DAB1: variants seen among roughly 807,000 people sequenced by gnomAD.
DAB1 encodes disabled homolog 1.
Under a neutral mutation model 64.6 loss-of-function variants are expected in DAB1, and 15 were observed. That is an observed-to-expected ratio of 0.23 (90% CI 0.16 to 0.36). DAB1 has a LOEUF of 0.36. DAB1 is among the 10% of genes least tolerant of loss of function. The pLI is 1.00. For missense variants in DAB1, 596 were observed against 706.7 expected (o/e 0.84, Z 1.78); for synonymous variants, 235 against 251.9 (o/e 0.93, Z 0.64).
At chr1:57,742,235 C>G (rs1216400662) in intron 6 of DAB1, among the ~76,000 whole-genome samples, 10 of 152,156 alleles carry the variant, frequency 6.6e-5, no homozygotes, top group African/African-American at 2.2e-4. Flanking sequence ...TTCTCTCACT[C>G]TCTTATTTTA....
intron 1 of DAB1, among the ~76,000 whole-genome samples, chr1:57,848,903 C>A (rs759779814): frequency 3.5e-4 from 54 of 152,128 alleles, no homozygotes; most frequent in Admixed American, 2.0e-3. Context: ...GAATTCCCGT[C>A]ACTCCAGGAT....
intron 7 of DAB1, among the ~76,000 whole-genome samples, chr1:57,552,473 C>G (rs995353417): frequency 3.3e-5 from 5 of 152,142 alleles, no homozygotes; most frequent in Non-Finnish European, 7.3e-5. Flanking sequence ...AATGGATAGG[C>G]TTCTATTCTC....
chr1:58,036,576 A>G (rs963467243), intron 5 of DAB1, among the ~76,000 whole-genome samples: 1 of 152,236 alleles, frequency 6.6e-6, no homozygotes, highest in Non-Finnish European at 1.5e-5. Context: ...TTTTATCATC[A>G]TAACAGTAGT....
intron 4 of DAB1, among the ~76,000 whole-genome samples, chr1:58,306,750 A>T (rs539441483): frequency 6.6e-6 from 1 of 152,312 alleles, no homozygotes; most frequent in South Asian, 2.1e-4. Context: ...TAGGATCTCC[A>T]GCAGAATCAG....
rs113613792 is a variant in DAB1 at position 57,433,681 on chromosome 1, A to G, written n.626-142515T>C. Among the ~76,000 whole-genome samples, 415 of 152,224 alleles carry G rather than the reference A, an allele frequency of 2.7e-3. 2 individuals carry two copies. The highest frequency in any genetic ancestry group is 9.7e-3 in the African/African-American group (405 of 41,582). ...ACTTTATCACAGTTTAGAATATTTG[A>G]TGATCAAAGAAAACATTAAGAAAGT... On this transcript the variant is annotated intron_variant and non_coding_transcript_variant, in intron 7 of 20. Coordinates refer to the DAB1 transcript ENST00000485760.
At chr1:58,382,859 CA>C (rs1227578574) in intron 3 of DAB1, among the ~76,000 whole-genome samples, 2 of 152,202 alleles carry the variant, frequency 1.3e-5, no homozygotes, top group African/African-American at 4.8e-5. Context: ...GAGAACCACA[CA>C]GACCTGAGTT....
chr1:57,123,329 G>A lies in DAB1; in HGVS notation c.306+13214C>T, dbSNP rs1041483724. On this transcript the variant is annotated intron_variant, in intron 4 of 14. Coordinates refer to ENST00000371236, the MANE Select transcript of DAB1 (RefSeq NM_001365792.1). The stretch of plus-strand genomic sequence containing the variant: ...TGTAGGTAAAGCCAAAGGACCATTA[G>A]TCTCATCAGTATAAAAGCCCTACTT... 2.0e-5 allele frequency among the ~76,000 whole-genome samples: 3 copies of A among 152,116 alleles called. No individual in the cohort carries two copies. In the South Asian group the frequency reaches 6.2e-4, roughly 32 times the overall value.
In DAB1 at chr1:57,453,729, T is replaced by C. The variant is rs192878616; in HGVS notation, n.626-162563A>G. Among the ~76,000 whole-genome samples, 6 of 152,318 alleles carry C rather than the reference T, an allele frequency of 3.9e-5. No individual in the cohort carries two copies. In the East Asian group the frequency reaches 5.8e-4, roughly 15 times the overall value. On this transcript the variant is annotated intron_variant and non_coding_transcript_variant, in intron 7 of 20. Transcript: ENST00000485760. The stretch of plus-strand genomic sequence containing the variant: ...TAGAGAAGTCTAATCACATTGTATA[T>C]GAATTTTGCATAATTTGCATTAATT...
intron 1 of DAB1, among the ~76,000 whole-genome samples, chr1:57,332,798 T>C (rs950809249): frequency 6.6e-6 from 1 of 152,200 alleles, no homozygotes; most frequent in Admixed American, 6.5e-5. Flanking sequence ...ATTTCATTCA[T>C]TTTATGGAAG....
At chr1:58,074,538 A>ATC (rs1649484096) in intron 5 of DAB1, 1 of 103,080 alleles carries the variant, frequency 9.7e-6, no homozygotes, top group Non-Finnish European at 1.9e-5. Context: ...ATATATATAT[A>ATC]TATATACACA....
chr1:57,806,860 T>A (rs1199296953), intron 6 of DAB1, among the ~76,000 whole-genome samples: 4 of 152,198 alleles, frequency 2.6e-5, no homozygotes, highest in Non-Finnish European at 5.9e-5. Context: ...CTTTAAAACA[T>A]GTTTTATATA....
At chr1:57,582,891 C>A (rs576050240) in intron 7 of DAB1, among the ~76,000 whole-genome samples, 1 of 152,216 alleles carries the variant, frequency 6.6e-6, no homozygotes. Flanking sequence ...TTAAGCAGTG[C>A]GCCTATGACC....
chr1:58,364,383 C>A (rs1368053266), intron 3 of DAB1, among the ~76,000 whole-genome samples: 1 of 152,206 alleles, frequency 6.6e-6, no homozygotes, highest in Non-Finnish European at 1.5e-5. Flanking sequence ...CCTTCTCCCT[C>A]TTCCAGTCTT....
intron 7 of DAB1, among the ~76,000 whole-genome samples, chr1:57,502,186 G>T (rs997023694): frequency 3.3e-5 from 5 of 151,940 alleles, no homozygotes; most frequent in African/African-American, 1.2e-4. Context: ...CCGGTGTGGT[G>T]GCGGGCGCCT....
chr1:57,556,150 T>C (rs1348399204), intron 7 of DAB1, among the ~76,000 whole-genome samples: 3 of 152,248 alleles, frequency 2.0e-5, no homozygotes, highest in Admixed American at 1.3e-4. Flanking sequence ...GGTATATACA[T>C]ACCACGTTTT....
intron 1 of DAB1, among the ~76,000 whole-genome samples, chr1:57,320,253 C>T (rs1037378871): frequency 5.3e-5 from 8 of 152,122 alleles, no homozygotes; most frequent in African/African-American, 1.7e-4. Context: ...TTTCCTGAGA[C>T]CTCCCCAGCC....
At chr1:58,191,641 AT>A (rs1340057072) in intron 4 of DAB1, among the ~76,000 whole-genome samples, 2 of 152,304 alleles carry the variant, frequency 1.3e-5, no homozygotes, top group Middle Eastern at 3.4e-3. Context: ...GGGCCACTCC[AT>A]TTAAAAGTTT....
intron 2 of DAB1, among the ~76,000 whole-genome samples, chr1:57,218,527 A>C (rs997376414): frequency 7.2e-6 from 1 of 139,108 alleles, no homozygotes; most frequent in Non-Finnish European, 1.5e-5. Context: ...AAAAAAAAAA[A>C]AAAAAAAAAA....
chr1:57,247,065 G>A (rs1362477368), intron 2 of DAB1, among the ~76,000 whole-genome samples: 1 of 97,666 alleles, frequency 1.0e-5, no homozygotes, highest in Non-Finnish European at 2.2e-5. Context: ...GGTGAATGTT[G>A]GAGTTAAGAA....
Sources: gnomAD v4.1 joint callset for allele counts (sites outside exome capture counted in the v4.1 genomes callset) on GRCh38, gnomAD v4.1.1 for gene constraint, MANE v1.5 for transcripts, NCBI Gene and HGNC (gene_info 2026-07-23, HGNC 2026-07-21) for gene names.